The following CCDC60 variants were observed in gnomAD, a reference collection of about 807,000 sequenced individuals.
CCDC60 encodes the protein coiled-coil domain containing 60.
A neutral mutation model predicts 63.5 loss-of-function variants in CCDC60; 54 were observed. The observed-to-expected ratio is 0.85, with a 90% CI of 0.68 to 1.07. CCDC60 has a LOEUF of 1.07. CCDC60 is among the 50% of genes least tolerant of loss of function. The pLI, the probability that CCDC60 is intolerant of heterozygous loss-of-function variation, is 0.00. For synonymous variants in CCDC60, 206 were observed against 238.8 expected, an observed-to-expected ratio of 0.86 and a Z score of 1.27; for missense variants, 651 against 684.3, an observed-to-expected ratio of 0.95 and a Z score of 0.54.
At position 119,425,414 on chromosome 12, in the gene CCDC60, G is replaced by A. The variant is rs544716160; in HGVS notation, c.91-3269G>A. 2.0e-5 allele frequency among the ~76,000 whole-genome samples: 3 copies of A among 152,274 alleles called. No homozygotes were observed. In the East Asian group the frequency reaches 5.8e-4, roughly 29 times the overall value. On this transcript the variant is annotated intron_variant, in intron 1 of 13. Coordinates refer to ENST00000327554, the MANE Select transcript of CCDC60 (RefSeq NM_178499.5). Reference sequence around the variant, plus strand: ...AAAAGCAGTGTTGGGAAAAGAAAAAGAACTAGTTAAAAGAAGTCTCAGTCT... The same window carrying A: ...AAAAGCAGTGTTGGGAAAAGAAAAAAAACTAGTTAAAAGAAGTCTCAGTCT...
intron 1 of CCDC60, among the ~76,000 whole-genome samples, chr12:119,394,442 T>C (rs756097327): frequency 6.6e-6 from 1 of 152,226 alleles, no homozygotes; most frequent in African/African-American, 2.4e-5. Flanking sequence ...CCACCCACCA[T>C]GTGGTAGTCC....
chr12:119,386,518 A>C (rs769087075), intron 1 of CCDC60, among the ~76,000 whole-genome samples: 1 of 151,580 alleles, frequency 6.6e-6, no homozygotes, highest in Non-Finnish European at 1.5e-5. Context: ...AAAAAAAAGC[A>C]ACCAGTAACA....
At chr12:119,384,941 G>A (rs539451374) in intron 1 of CCDC60, among the ~76,000 whole-genome samples, 6 of 152,278 alleles carry the variant, frequency 3.9e-5, no homozygotes, top group African/African-American at 1.4e-4. Context: ...ATTGAGTGGG[G>A]GGGCTGATAT....
chr12:119,506,328 C>T (rs1952000133), intron 7 of CCDC60, among the ~76,000 whole-genome samples: 1 of 150,708 alleles, frequency 6.6e-6, no homozygotes, highest in East Asian at 2.0e-4. Context: ...TTAGGCCAGG[C>T]ATGGTGGCTC....
chr12:119,510,285 G>A (rs1952178964), intron 7 of CCDC60, among the ~76,000 whole-genome samples: 1 of 152,142 alleles, frequency 6.6e-6, no homozygotes, highest in African/African-American at 2.4e-5. Context: ...CACACCTTAG[G>A]TGGGGCACTC....
intron 1 of CCDC60, among the ~76,000 whole-genome samples, chr12:119,365,826 G>A (rs1955834873): frequency 6.6e-6 from 1 of 152,194 alleles, no homozygotes; most frequent in Admixed American, 6.5e-5. Flanking sequence ...AGCTCTCTTT[G>A]ATAGGAGACA....
intron 1 of CCDC60, among the ~76,000 whole-genome samples, chr12:119,382,932 C>T (rs1004430328): frequency 6.6e-6 from 1 of 152,210 alleles, no homozygotes; most frequent in Non-Finnish European, 1.5e-5. Flanking sequence ...GAAAATGCAG[C>T]AGACCCAGGG....
chr12:119,360,880 TCCC>T (rs2136165330), intron 1 of CCDC60, among the ~76,000 whole-genome samples: 1 of 152,218 alleles, frequency 6.6e-6, no homozygotes, highest in African/African-American at 2.4e-5. Context: ...CTGTCTGCAA[TCCC>T]GGCACCTCGG....
At chr12:119,431,046 T>TA (rs1197121727) in intron 2 of CCDC60, among the ~76,000 whole-genome samples, 1 of 152,182 alleles carries the variant, frequency 6.6e-6, no homozygotes, top group African/African-American at 2.4e-5. Context: ...GATCCTCTGT[T>TA]AGTTTCAGAC....
chr12:119,472,114 C>T lies in CCDC60; in HGVS notation c.291C>T (p.Phe97=), dbSNP rs763731778. ...QKLKEEERNK[F]QPAEKISEIH... ...TGAAAGAGGAGGAAAGAAATAAATTCCAGCCAGCCGAAAAGATCTCAGAAA... is the reference window on the plus strand; with the variant it reads ...TGAAAGAGGAGGAAAGAAATAAATTTCAGCCAGCCGAAAAGATCTCAGAAA... The change falls in exon 3 of 14, where the codon TTC becomes TTT. Residue 97 remains phenylalanine (F), a synonymous_variant. Transcript: ENST00000327554. 1 of 1,614,146 alleles carries T rather than the reference C, an allele frequency of 6.2e-7. No homozygotes were observed. The highest frequency in any genetic ancestry group is 1.1e-5 in the South Asian group (1 of 91,082).
At chr12:119,495,053 T>C (rs1951689926) in intron 5 of CCDC60, among the ~76,000 whole-genome samples, 2 of 152,234 alleles carry the variant, frequency 1.3e-5, no homozygotes, top group African/African-American at 4.8e-5. Flanking sequence ...GTGCTTTCTA[T>C]GTCAAGCACT....
In CCDC60 at chr12:119,490,525, T is replaced by G. The variant is rs188718234; in HGVS notation, c.557+1659T>G. On this transcript the variant is annotated intron_variant, in intron 5 of 13. Transcript: ENST00000327554. ...TGTCTTTGTGGCTTCCAGAATTTCC[T>G]TGAAAACCACAGCCTTAAAACATTT... is the stretch of plus-strand genomic sequence containing the variant. Among the ~76,000 whole-genome samples, 399 of 152,258 alleles carry G rather than the reference T, an allele frequency of 2.6e-3. 1 individual carries two copies. The highest frequency in any genetic ancestry group is 9.3e-3 in the African/African-American group (385 of 41,546).
At chr12:119,391,902 G>A (rs1956166552) in intron 1 of CCDC60, among the ~76,000 whole-genome samples, 2 of 152,124 alleles carry the variant, frequency 1.3e-5, no homozygotes, top group South Asian at 2.1e-4. Context: ...TGTGTGGCAC[G>A]TCTGAGTGCT....
At chr12:119,366,102 T>G (rs1016777764) in intron 1 of CCDC60, among the ~76,000 whole-genome samples, 1 of 152,176 alleles carries the variant, frequency 6.6e-6, no homozygotes, top group Non-Finnish European at 1.5e-5. Context: ...ATGCTTCACA[T>G]GAACTCCCTC....
intron 5 of CCDC60, 69 bp downstream of exon 5, chr12:119,488,935 T>C (rs1951519771): frequency 2.4e-6 from 3 of 1,261,616 alleles, no homozygotes; most frequent in Admixed American, 1.7e-5. Context: ...GATTCCTGTA[T>C]GTTCTTCCAC....
chr12:119,523,071 G>A, intron 10 of CCDC60, 70 bp downstream of exon 10: 1 of 1,391,998 alleles, frequency 7.2e-7, no homozygotes, highest in Non-Finnish European at 1.0e-6. Context: ...TATCTTCCCA[G>A]GGGTGTAGAA....
intron 2 of CCDC60, among the ~76,000 whole-genome samples, chr12:119,454,113 A>G (rs1050925800): frequency 1.6e-4 from 25 of 152,182 alleles, no homozygotes; most frequent in African/African-American, 6.0e-4. Flanking sequence ...ATTGAGTGAT[A>G]AGGAAATCAT....
In CCDC60 at chr12:119,428,717, T is replaced by C. The variant is rs367962956; in HGVS notation, c.125T>C (p.Met42Thr). The stretch of plus-strand genomic sequence containing the variant: ...AAGCCAATGAAGAGCATCAAGTATA[T>C]GGACAAGGAAATAATAAACCTCAAA... ...PDKPMKSIKY[M>T]DKEIINLKKD... Residue 42 changes from methionine (M) to threonine (T), a missense_variant, in exon 2 of 14, where the codon ATG becomes ACG. Transcript: ENST00000327554. The C allele has an allele frequency of 1.2e-6, 2 of 1,607,790 alleles. No individual in the cohort carries two copies. Among genetic ancestry groups the C allele is most frequent in the Non-Finnish European group, 1.7e-6 (2 of 1,176,362 alleles).
intron 1 of CCDC60, among the ~76,000 whole-genome samples, chr12:119,368,595 A>G (rs901670152): frequency 2.0e-5 from 3 of 152,046 alleles, no homozygotes; most frequent in Admixed American, 2.0e-4. Context: ...CATGGGGGAA[A>G]CCATCTGAAA....
Sources: gnomAD v4.1 joint callset for allele counts (sites outside exome capture counted in the v4.1 genomes callset) on GRCh38, gnomAD v4.1.1 for gene constraint, MANE v1.5 for transcripts, NCBI Gene and HGNC (gene_info 2026-07-23, HGNC 2026-07-21) for gene names.